Variants in THSD7B observed in about 807,000 individuals in gnomAD.
The protein encoded by THSD7B is thrombospondin type-1 domain-containing protein 7B.
Under a neutral mutation model 213.6 loss-of-function variants are expected in THSD7B, and 138 were observed. The observed-to-expected ratio is 0.65, with a 90% CI of 0.56 to 0.74. The LOEUF (loss-of-function observed/expected upper bound fraction) is 0.74. Among genes scored for constraint, THSD7B ranks in the 30% least tolerant of loss-of-function variants. THSD7B has a pLI of 0.00. For synonymous variants in THSD7B, 742 were observed against 687.0 expected, an observed-to-expected ratio of 1.08 and a Z score of -1.25; for missense variants, 1,931 against 1,991.5, an observed-to-expected ratio of 0.97 and a Z score of 0.58.
At chr2:137,638,025 C>T (rs1008415652) in intron 20 of THSD7B, among the ~76,000 whole-genome samples, 2 of 152,164 alleles carry the variant, frequency 1.3e-5, no homozygotes, top group African/African-American at 4.8e-5. Flanking sequence ...GCAGGGACAA[C>T]ATTTGATGTG....
chr2:137,234,847 A>G (rs78712045), intron 9 of THSD7B, among the ~76,000 whole-genome samples: 1,779 of 152,324 alleles, frequency 0.012, 27 homozygotes, highest in African/African-American at 0.041. Flanking sequence ...GGGGACTATC[A>G]TGAAAATTAG....
intron 17 of THSD7B, among the ~76,000 whole-genome samples, chr2:137,575,967 C>G (rs1681452851): frequency 6.6e-6 from 1 of 151,890 alleles, no homozygotes; most frequent in African/African-American, 2.4e-5. Flanking sequence ...CTAATTTTTT[C>G]CAGTTTTTGT....
At chr2:136,883,209 G>T (rs946630938) in intron 2 of THSD7B, among the ~76,000 whole-genome samples, 1 of 151,724 alleles carries the variant, frequency 6.6e-6, no homozygotes, top group Middle Eastern at 3.2e-3. Context: ...TTTCATTTTG[G>T]CCCCATCATC....
intron 12 of THSD7B, among the ~76,000 whole-genome samples, chr2:137,282,525 T>G (rs1683051427): frequency 6.6e-6 from 1 of 152,194 alleles, no homozygotes; most frequent in African/African-American, 2.4e-5. Context: ...TTCTAGAGTT[T>G]TTATGGTTTT....
Position 137,233,027 on chromosome 2 carries a change from C to G in THSD7B, c.2044C>G (p.Leu682Val), listed in dbSNP as rs936986275. 1.9e-6 allele frequency: 3 copies of G among 1,613,806 alleles called. No homozygotes were observed. Among genetic ancestry groups the G allele is most frequent in the African/African-American group, 2.7e-5 (2 of 74,934 alleles). ...PCSEDTLVTA[L>V]NATIGWNGEA... The stretch of plus-strand genomic sequence containing the variant: ...TTCTGAGGACACATTGGTAACTGCC[C>G]TTAATGCAACCATTGGCTGGAATGG... The change falls in exon 9 of 28, where the codon CTT becomes GTT. Residue 682 changes from leucine to valine, a missense_variant. Transcript: ENST00000409968.
intron 7 of THSD7B, among the ~76,000 whole-genome samples, chr2:137,214,032 A>C (rs1042210718): frequency 1.3e-5 from 2 of 152,102 alleles, no homozygotes; most frequent in African/African-American, 4.8e-5. Context: ...AATGGTAATA[A>C]ATTTTGTTCT....
At chr2:136,820,451 A>G (rs917713082) in intron 1 of THSD7B, among the ~76,000 whole-genome samples, 3 of 152,230 alleles carry the variant, frequency 2.0e-5, no homozygotes, top group African/African-American at 7.2e-5. Flanking sequence ...TTTTGCCACA[A>G]ATGCAAGGAA....
At chr2:137,591,337 A>T (rs575062625) in intron 17 of THSD7B, among the ~76,000 whole-genome samples, 1 of 151,908 alleles carries the variant, frequency 6.6e-6, no homozygotes, top group Non-Finnish European at 1.5e-5. Context: ...GCAGAGTGGA[A>T]TGGTAAGGTT....
intron 2 of THSD7B, among the ~76,000 whole-genome samples, chr2:136,998,008 G>A (rs540862699): frequency 2.0e-5 from 3 of 152,066 alleles, no homozygotes; most frequent in Non-Finnish European, 4.4e-5. Context: ...CCAAAATTCA[G>A]TAGTCACACC....
intron 25 of THSD7B, 72 bp downstream of exon 25, chr2:137,659,818 C>CT: frequency 7.0e-7 from 1 of 1,438,146 alleles, no homozygotes; most frequent in South Asian, 1.3e-5. Context: ...AGATGTTCTC[C>CT]TGCCGGCTGC....
At chr2:136,788,783 A>G (rs1318097784) in intron 1 of THSD7B, among the ~76,000 whole-genome samples, 2 of 152,164 alleles carry the variant, frequency 1.3e-5, no homozygotes, top group Non-Finnish European at 2.9e-5. Context: ...GTGTTTGTAA[A>G]TCATTATTTT....
At chr2:136,914,482 G>C (rs889542548) in intron 2 of THSD7B, among the ~76,000 whole-genome samples, 3 of 152,194 alleles carry the variant, frequency 2.0e-5, no homozygotes, top group African/African-American at 7.2e-5. Flanking sequence ...TGGTTTGGCT[G>C]TGTCCCCACC....
At chr2:136,802,639 TTATA>T (rs56719114) in intron 1 of THSD7B, among the ~76,000 whole-genome samples, 1,102 of 57,254 alleles carry the variant, frequency 0.019, 8 homozygotes, top group Middle Eastern at 0.033. Context: ...TGAATTAAGT[TTATA>T]TATATATATA....
At chr2:137,630,660 T>G (rs1484283145) in intron 20 of THSD7B, among the ~76,000 whole-genome samples, 1 of 152,200 alleles carries the variant, frequency 6.6e-6, no homozygotes, top group African/African-American at 2.4e-5. Context: ...GAGACCAAAT[T>G]GTGGAGCTGC....
chr2:137,593,414 C>A (rs1681902013), intron 17 of THSD7B, among the ~76,000 whole-genome samples: 1 of 151,890 alleles, frequency 6.6e-6, no homozygotes, highest in Non-Finnish European at 1.5e-5. Flanking sequence ...TTTAATACAA[C>A]CTCATCAACA....
intron 1 of THSD7B, among the ~76,000 whole-genome samples, chr2:136,871,562 G>T (rs1683432572): frequency 6.6e-6 from 1 of 152,120 alleles, no homozygotes; most frequent in African/African-American, 2.4e-5. Flanking sequence ...ATGTTAGGGG[G>T]TGATAAAGAG....
At chr2:137,124,207 C>T (rs1688594891) in intron 5 of THSD7B, among the ~76,000 whole-genome samples, 1 of 152,190 alleles carries the variant, frequency 6.6e-6, no homozygotes, top group South Asian at 2.1e-4. Context: ...GTCAGCTGAA[C>T]TGGATTTTTC....
intron 2 of THSD7B, among the ~76,000 whole-genome samples, chr2:136,968,706 A>G (rs1391041190): frequency 2.0e-5 from 3 of 152,106 alleles, no homozygotes; most frequent in African/African-American, 4.8e-5. Flanking sequence ...GATATTTCCT[A>G]TATCATTTTT....
chr2:137,198,436 G>A (rs7424822), intron 7 of THSD7B, among the ~76,000 whole-genome samples: 126,773 of 152,146 alleles, frequency 0.83, 53,775 homozygotes, highest in Middle Eastern at 0.94. Context: ...ATGGAAAAAC[G>A]CTTCACTACA....
Sources: allele counts gnomAD v4.1 joint callset (sites outside exome capture counted in the v4.1 genomes callset), GRCh38; gene constraint gnomAD v4.1.1; transcripts MANE v1.5; gene names NCBI Gene and HGNC (gene_info 2026-07-23, HGNC 2026-07-21).